The following OR2L13 variants were observed in gnomAD, a reference collection of about 807,000 sequenced individuals.
The protein encoded by OR2L13 is olfactory receptor 2L13.
OR2L13 carries 14 observed loss-of-function variants against 15.3 expected under a neutral mutation model. That is an observed-to-expected ratio of 0.91 (90% CI 0.60 to 1.43). The LOEUF (loss-of-function observed/expected upper bound fraction) is 1.43, where lower values mean the gene tolerates loss of function less well. Among genes scored for constraint, OR2L13 ranks in the 40% most tolerant of loss-of-function variants. The pLI, the probability that OR2L13 is intolerant of heterozygous loss-of-function variation, is 0.00. For missense variants in OR2L13, 367 were observed against 387.9 expected, an observed-to-expected ratio of 0.95 and a Z score of 0.45; for synonymous variants, 152 against 142.9, an observed-to-expected ratio of 1.06 and a Z score of -0.45.
At chr1:248,022,118 C>G in the OR2L13 span, 1 of 1,613,946 alleles carries the variant, frequency 6.2e-7, no homozygotes, top group Non-Finnish European at 8.5e-7. Flanking sequence ...TCCACACACC[C>G]ATGTATTTCC....
the OR2L13 span, chr1:248,083,934 G>C: frequency 1.9e-5 from 31 of 1,611,568 alleles, no homozygotes; most frequent in Admixed American, 1.8e-4. Flanking sequence ...CAGAACAGCA[G>C]CGAGGATGAG....
the OR2L13 span, among the ~76,000 whole-genome samples, chr1:247,964,989 T>C: frequency 6.7e-6 from 1 of 149,868 alleles, no homozygotes; most frequent in African/African-American, 2.4e-5. Context: ...GTATATATAA[T>C]TCATATATAC....
chr1:248,004,218 T>A, the OR2L13 span: 3 of 657,046 alleles, frequency 4.6e-6, no homozygotes, highest in African/African-American at 5.4e-5. Context: ...CAAAATTGTT[T>A]TACAAAGATG....
the OR2L13 span, chr1:247,990,447 C>A: frequency 6.3e-7 from 1 of 1,582,600 alleles, no homozygotes; most frequent in African/African-American, 1.3e-5. Context: ...CATGTATTTC[C>A]TACTTAGTCA....
the OR2L13 span, chr1:248,021,965 A>G: frequency 6.2e-7 from 1 of 1,613,062 alleles, no homozygotes; most frequent in Non-Finnish European, 8.5e-7. Context: ...ATTACAATCA[A>G]ACGTCAACTG....
At chr1:247,972,991 C>A in the OR2L13 span, among the ~76,000 whole-genome samples, 5 of 152,050 alleles carry the variant, frequency 3.3e-5, no homozygotes, top group African/African-American at 1.2e-4. Context: ...TAAATAAATG[C>A]AATCCATCAA....
chr1:247,984,527 A>G, the OR2L13 span, among the ~76,000 whole-genome samples: 1 of 152,168 alleles, frequency 6.6e-6, no homozygotes, highest in Non-Finnish European at 1.5e-5. Flanking sequence ...ATTAATGCTG[A>G]TCTTGTACTG....
At chr1:248,000,020 C>T in the OR2L13 span, among the ~76,000 whole-genome samples, 2 of 151,872 alleles carry the variant, frequency 1.3e-5, no homozygotes, top group Non-Finnish European at 2.9e-5. Context: ...TTGGATTTTG[C>T]AGACTTTTAG....
At chr1:247,993,084 G>T in the OR2L13 span, among the ~76,000 whole-genome samples, 3 of 152,030 alleles carry the variant, frequency 2.0e-5, no homozygotes, top group East Asian at 5.8e-4. Flanking sequence ...GTATAAAATG[G>T]TCTCTCATTG....
the OR2L13 span, among the ~76,000 whole-genome samples, chr1:248,047,351 C>T: frequency 6.6e-6 from 1 of 152,022 alleles, no homozygotes; most frequent in Non-Finnish European, 1.5e-5. Flanking sequence ...TATATGAATC[C>T]AGTGTTTCTA....
chr1:248,022,267 C>A, the OR2L13 span: 1 of 1,614,158 alleles, frequency 6.2e-7, no homozygotes. Flanking sequence ...ATGACTTTTG[C>A]AGGTGCAGAA....
chr1:248,039,740 A>G, the OR2L13 span: 1 of 152,260 alleles, frequency 6.6e-6, no homozygotes, highest in Admixed American at 6.5e-5. Context: ...TCCCATTATT[A>G]TAAAAATAAG....
At chr1:248,100,060 T>C in exon 3 of OR2L13, 1 of 1,614,082 alleles carries the variant, frequency 6.2e-7, no homozygotes, top group Non-Finnish European at 8.5e-7. Context: ...TCATATGCAC[T>C]CAAAGGAGGG....
At chr1:247,993,177 A>G in the OR2L13 span, among the ~76,000 whole-genome samples, 3 of 152,100 alleles carry the variant, frequency 2.0e-5, no homozygotes, top group Non-Finnish European at 4.4e-5. Context: ...TCTTCTTCAC[A>G]GATGTGTCTG....
the OR2L13 span, among the ~76,000 whole-genome samples, chr1:248,087,194 C>G: frequency 5.7e-3 from 864 of 150,958 alleles, 11 homozygotes; most frequent in African/African-American, 0.02. Flanking sequence ...CAGCCATACT[C>G]TTCAGTAAAA....
chr1:248,096,098 G>A (rs1447097827), upstream of OR2L13, among the ~76,000 whole-genome samples: 1 of 151,994 alleles, frequency 6.6e-6, no homozygotes, highest in Non-Finnish European at 1.5e-5. Context: ...AAAGAAGGCT[G>A]GGCACCCAGG....
At chr1:247,993,315 A>T in the OR2L13 span, among the ~76,000 whole-genome samples, 1 of 141,726 alleles carries the variant, frequency 7.1e-6, no homozygotes. Context: ...ATTTTTTCCT[A>T]TTCTGTAGGT....
chr1:247,983,549 T>C, the OR2L13 span, among the ~76,000 whole-genome samples: 5,907 of 151,128 alleles, frequency 0.039, 354 homozygotes, highest in African/African-American at 0.14. Context: ...CAGAAGTAAC[T>C]CATTTGGATT....
At chr1:248,072,202 G>T in the OR2L13 span, among the ~76,000 whole-genome samples, 6 of 152,062 alleles carry the variant, frequency 3.9e-5, no homozygotes, top group Admixed American at 2.0e-4. Flanking sequence ...AAAGCTAGAG[G>T]CATCACGCTA....
Sources: allele counts gnomAD v4.1 joint callset (sites outside exome capture counted in the v4.1 genomes callset), GRCh38; gene constraint gnomAD v4.1.1; transcripts MANE v1.5; gene names NCBI Gene and HGNC (gene_info 2026-07-23, HGNC 2026-07-21).